Variants in HS2ST1 observed in about 807,000 individuals in gnomAD.
The protein encoded by HS2ST1 is heparan sulfate 2-O-sulfotransferase 1.
Under a neutral mutation model 42.9 loss-of-function variants are expected in HS2ST1, and 18 were observed. The ratio of observed to expected loss-of-function variants is 0.42; its 90% CI spans 0.29 to 0.62. The LOEUF is 0.62. Among genes scored for constraint, HS2ST1 ranks in the 20% least tolerant of loss-of-function variants. The probability of loss-of-function intolerance (pLI) is 0.21; values close to 1 mark genes in which losing one functional copy is unlikely to be tolerated. For missense variants in HS2ST1, 334 were observed against 433.8 expected (o/e 0.77, Z 2.04); for synonymous variants, 146 against 152.9 (o/e 0.95, Z 0.33).
At chr1:86,949,682 C>T (rs540909525) in intron 1 of HS2ST1, among the ~76,000 whole-genome samples, 1 of 152,334 alleles carries the variant, frequency 6.6e-6, no homozygotes, top group Admixed American at 6.5e-5. Flanking sequence ...CTATTAACCA[C>T]GTTTCAAGTG....
intron 1 of HS2ST1, among the ~76,000 whole-genome samples, chr1:87,008,102 T>C (rs1356174706): frequency 1.3e-5 from 2 of 152,146 alleles, no homozygotes; most frequent in African/African-American, 4.8e-5. Context: ...AGAAAATTAC[T>C]TACATTGGGC....
chr1:86,971,230 G>A (rs952009740), intron 1 of HS2ST1, among the ~76,000 whole-genome samples: 1 of 151,990 alleles, frequency 6.6e-6, no homozygotes, highest in Non-Finnish European at 1.5e-5. Context: ...AAGAGGGAAG[G>A]TCTATACATT....
At chr1:86,977,693 G>A (rs1337344160) in intron 1 of HS2ST1, among the ~76,000 whole-genome samples, 3 of 152,210 alleles carry the variant, frequency 2.0e-5, no homozygotes, top group Non-Finnish European at 4.4e-5. Context: ...AAGCAAGGCA[G>A]TGTCAAATTT....
At chr1:87,056,480 G>A (rs532541114) in intron 1 of HS2ST1, among the ~76,000 whole-genome samples, 1 of 152,144 alleles carries the variant, frequency 6.6e-6, no homozygotes, top group South Asian at 2.1e-4. Context: ...TTACTTGAAA[G>A]AATGATCAAC....
Position 87,097,305 on chromosome 1 carries a change from TAGAC to T in HS2ST1, c.589-525_589-522del, listed in dbSNP as rs1375709632. Reference sequence around the variant, plus strand: ...GAAACAAGTTATGTAGATAAAGATATAGACAGACAGATCAACCTATCCTAAGATT... The same window carrying T: ...GAAACAAGTTATGTAGATAAAGATATAGACAGATCAACCTATCCTAAGATT... On this transcript the variant is annotated intron_variant, in intron 4 of 6. Transcript: ENST00000370550. Among the ~76,000 whole-genome samples, 7 of 152,350 alleles carry T rather than the reference TAGAC, an allele frequency of 4.6e-5. No homozygotes were observed. The East Asian group carries it at 9.6e-4, about 21-fold the overall frequency.
At chr1:86,999,231 T>A (rs1570474007) in intron 1 of HS2ST1, among the ~76,000 whole-genome samples, 1 of 152,098 alleles carries the variant, frequency 6.6e-6, no homozygotes, top group Non-Finnish European at 1.5e-5. Flanking sequence ...CAGGCCAGAG[T>A]GCAATGGTGC....
chr1:87,013,603 T>C (rs1205695869), intron 1 of HS2ST1, among the ~76,000 whole-genome samples: 2 of 152,262 alleles, frequency 1.3e-5, no homozygotes, highest in Admixed American at 1.3e-4. Flanking sequence ...GGCTCCTTGT[T>C]ACTTATGCAA....
chr1:87,065,382 T>TC (rs1651223654), intron 1 of HS2ST1, among the ~76,000 whole-genome samples: 1 of 152,202 alleles, frequency 6.6e-6, no homozygotes, highest in Non-Finnish European at 1.5e-5. Flanking sequence ...ATGCCAAGGC[T>TC]CCTCCACCCA....
intron 1 of HS2ST1, among the ~76,000 whole-genome samples, chr1:86,923,946 C>T (rs1660357795): frequency 6.6e-6 from 1 of 152,156 alleles, no homozygotes; most frequent in South Asian, 2.1e-4. Context: ...AAAGTCTTAA[C>T]TCATTTCAAC....
rs1649796991 is a variant in HS2ST1 at position 87,017,559 on chromosome 1, A to G, written c.125-55375A>G. Among the ~76,000 whole-genome samples, 3 of 152,232 alleles carry G rather than the reference A, an allele frequency of 2.0e-5. No homozygotes were observed. In the South Asian group the frequency reaches 6.2e-4, roughly 32 times the overall value. ...TCTAAGTATTAGCTAATCATGCTTGATAGGCATAGTAAGAGAAGACAGCGG... is the reference window on the plus strand; with the variant it reads ...TCTAAGTATTAGCTAATCATGCTTGGTAGGCATAGTAAGAGAAGACAGCGG... On this transcript the variant is annotated intron_variant, in intron 1 of 6. Coordinates refer to ENST00000370550, the MANE Select transcript of HS2ST1 (RefSeq NM_012262.4).
intron 1 of HS2ST1, among the ~76,000 whole-genome samples, chr1:86,966,313 C>G (rs1648045564): frequency 6.6e-6 from 1 of 152,070 alleles, no homozygotes; most frequent in African/African-American, 2.4e-5. Context: ...CTTCTCTTTC[C>G]TCTCTTCTGT....
At position 86,992,874 on chromosome 1, in the gene HS2ST1, GA is replaced by G. The variant is rs201465373; in HGVS notation, c.124+77715del. The G allele has an allele frequency of 2.1e-4, 107 of 521,330 alleles. No homozygotes were observed. The East Asian group carries it at 2.5e-3, about 12-fold the overall frequency. The allele number at this position is 521,330 out of a possible 1,614,324, so 32.3% of individuals were successfully genotyped here. On this transcript the variant is annotated intron_variant, in intron 1 of 6. Transcript: ENST00000370550. Reference sequence around the variant, plus strand: ...ACCTGAGTGTTTTTATTCTAGTTTTGATGAAGGGGAAGATTGTAGAAGAATT... The same window carrying G: ...ACCTGAGTGTTTTTATTCTAGTTTTGTGAAGGGGAAGATTGTAGAAGAATT...
intron 1 of HS2ST1, among the ~76,000 whole-genome samples, chr1:86,928,792 G>T (rs541428742): frequency 1.1e-4 from 16 of 152,056 alleles, no homozygotes; most frequent in Admixed American, 1.0e-3. Context: ...AAACAAAGTT[G>T]TGTGATGATA....
chr1:87,095,416 G>A (rs940884458), intron 4 of HS2ST1, among the ~76,000 whole-genome samples: 2 of 152,156 alleles, frequency 1.3e-5, no homozygotes, highest in Non-Finnish European at 1.5e-5. Context: ...ACGTACTCTA[G>A]TAATCTGAAC....
chr1:86,995,053 T>TA (rs1649060045), intron 1 of HS2ST1, among the ~76,000 whole-genome samples: 1 of 152,126 alleles, frequency 6.6e-6, no homozygotes, highest in Non-Finnish European at 1.5e-5. Flanking sequence ...TTCATAAAAT[T>TA]ATAGGATTTT....
intron 3 of HS2ST1, among the ~76,000 whole-genome samples, chr1:87,087,796 A>AT (rs151291071): frequency 0.027 from 4,112 of 152,124 alleles, 198 homozygotes; most frequent in African/African-American, 0.093. Flanking sequence ...TTGCGTTTTT[A>AT]TTAACCTTGT....
At chr1:87,068,119 T>A (rs543881369) in intron 1 of HS2ST1, among the ~76,000 whole-genome samples, 8 of 152,294 alleles carry the variant, frequency 5.3e-5, no homozygotes, top group African/African-American at 1.9e-4. Flanking sequence ...AGTGGTAGCT[T>A]GATGGGGATA....
chr1:87,105,436 T>A lies in HS2ST1; in HGVS notation c.*740T>A, dbSNP rs539168408. Reference sequence around the variant, plus strand: ...AGTTTTAGTTAAGATTTTCACACATTAATATCAAAAAAGTAAGTTTAGTAT... The same window carrying A: ...AGTTTTAGTTAAGATTTTCACACATAAATATCAAAAAAGTAAGTTTAGTAT... On this transcript the variant is annotated 3_prime_UTR_variant, in exon 7 of 7. Transcript: ENST00000370550. The A allele has an allele frequency of 6.6e-6, 1 of 152,532 alleles. No individual in the cohort carries two copies. Among genetic ancestry groups the A allele is most frequent in the East Asian group, 1.9e-4 (1 of 5,188 alleles). The allele number at this position is 152,532 out of a possible 1,614,324, so 9.4% of individuals were successfully genotyped here. A position where few individuals can be genotyped will look rare whatever the true frequency, so the allele number is the denominator to read the frequency against.
intron 1 of HS2ST1, among the ~76,000 whole-genome samples, chr1:87,012,372 A>C (rs916242138): frequency 6.6e-6 from 1 of 152,180 alleles, no homozygotes; most frequent in Non-Finnish European, 1.5e-5. Flanking sequence ...GGTAGCAAGC[A>C]AGAGAGCTTG....
Sources: gnomAD v4.1 joint callset for allele counts (sites outside exome capture counted in the v4.1 genomes callset) on GRCh38, gnomAD v4.1.1 for gene constraint, MANE v1.5 for transcripts, NCBI Gene and HGNC (gene_info 2026-07-23, HGNC 2026-07-21) for gene names.